The following OLFM3 variants were observed in gnomAD, a reference collection of about 807,000 sequenced individuals.
OLFM3 encodes the protein noelin-3.
Under a neutral mutation model 48.6 loss-of-function variants are expected in OLFM3, and 20 were observed. The ratio of observed to expected loss-of-function variants is 0.41; its 90% confidence interval spans 0.29 to 0.60. The LOEUF is 0.60. Among genes scored for constraint, OLFM3 ranks in the 20% least tolerant of loss-of-function variants. OLFM3 has a pLI of 0.28. For missense variants in OLFM3, 437 were observed against 544.3 expected (o/e 0.80, Z 1.96); for synonymous variants, 222 against 198.1 (o/e 1.12, Z -1.01).
chr1:101,956,528 T>C (rs1472077895), intron 1 of OLFM3, among the ~76,000 whole-genome samples: 1 of 151,956 alleles, frequency 6.6e-6, no homozygotes, highest in African/African-American at 2.4e-5. Flanking sequence ...AATATTCAAA[T>C]ATCCTTTTTG....
chr1:101,822,434 C>A (rs891492055), intron 4 of OLFM3, among the ~76,000 whole-genome samples: 7 of 152,098 alleles, frequency 4.6e-5, no homozygotes, highest in African/African-American at 1.2e-4. Context: ...TCACTACATG[C>A]AATGCCTATG....
intron 1 of OLFM3, among the ~76,000 whole-genome samples, chr1:101,963,102 C>T (rs1415081954): frequency 6.6e-6 from 1 of 152,176 alleles, no homozygotes; most frequent in African/African-American, 2.4e-5. Context: ...GGACACCTGG[C>T]ACCACACCTT....
At chr1:101,858,466 A>G (rs549752597) in intron 1 of OLFM3, among the ~76,000 whole-genome samples, 6 of 152,184 alleles carry the variant, frequency 3.9e-5, no homozygotes, top group African/African-American at 1.2e-4. Flanking sequence ...AGCTGTAAGT[A>G]TAATTTCAAT....
chr1:101,838,769 C>T lies in OLFM3; in HGVS notation c.70-1744G>A, dbSNP rs537351748. On this transcript the variant is annotated intron_variant, in intron 1 of 5. Coordinates refer to ENST00000370103, the MANE Select transcript of OLFM3 (RefSeq NM_058170.4). ...TGCTGCGACTAAAGCTCTAAGCCAC[C>T]GCGCTGGGCCAGGAGCAAATTCTTA... Among the ~76,000 whole-genome samples, 55 of 152,264 alleles carry T rather than the reference C, an allele frequency of 3.6e-4. No individual in the cohort carries two copies. The East Asian group carries it at 4.1e-3, about 11-fold the overall frequency.
intron 3 of OLFM3, among the ~76,000 whole-genome samples, chr1:101,830,006 T>A (rs1248786510): frequency 2.6e-5 from 4 of 151,870 alleles, no homozygotes; most frequent in Non-Finnish European, 5.9e-5. Context: ...GGCTAATTTT[T>A]TTTTTGTATT....
At chr1:101,808,290 C>T (rs2100863751) in intron 4 of OLFM3, among the ~76,000 whole-genome samples, 1 of 151,590 alleles carries the variant, frequency 6.6e-6, no homozygotes, top group South Asian at 2.1e-4. Context: ...AAAAGCAAAG[C>T]AAAGGTACAA....
intron 3 of OLFM3, among the ~76,000 whole-genome samples, chr1:101,826,357 T>A (rs548467668): frequency 6.6e-6 from 1 of 152,176 alleles, no homozygotes; most frequent in Non-Finnish European, 1.5e-5. Flanking sequence ...TTTGATTCAA[T>A]TGTGAATTTA....
At chr1:101,873,453 A>C (rs946482500) in intron 1 of OLFM3, among the ~76,000 whole-genome samples, 1 of 151,892 alleles carries the variant, frequency 6.6e-6, no homozygotes, top group Non-Finnish European at 1.5e-5. Context: ...AAACATATAC[A>C]TTATAATACT....
At chr1:101,905,913 T>A (rs967076939) in intron 1 of OLFM3, among the ~76,000 whole-genome samples, 2 of 152,184 alleles carry the variant, frequency 1.3e-5, no homozygotes, top group African/African-American at 4.8e-5. Context: ...TCTACTCTTA[T>A]TGTATTAACT....
chr1:101,901,162 G>C (rs1185056556), intron 1 of OLFM3, among the ~76,000 whole-genome samples: 8 of 152,052 alleles, frequency 5.3e-5, no homozygotes, highest in South Asian at 2.1e-4. Context: ...ACCCCTGCTG[G>C]TTTTCTAAGA....
intron 1 of OLFM3, among the ~76,000 whole-genome samples, chr1:101,894,477 T>C (rs1270327534): frequency 6.6e-6 from 1 of 152,170 alleles, no homozygotes; most frequent in Non-Finnish European, 1.5e-5. Flanking sequence ...TCAGTGGGGC[T>C]ATTTAATCCA....
intron 1 of OLFM3, among the ~76,000 whole-genome samples, chr1:101,917,430 A>T (rs780968415): frequency 1.3e-5 from 2 of 152,038 alleles, no homozygotes; most frequent in African/African-American, 2.4e-5. Flanking sequence ...ATATATATAT[A>T]TTTTGAGACT....
chr1:101,914,979 C>A (rs1343481774), intron 1 of OLFM3, among the ~76,000 whole-genome samples: 1 of 152,104 alleles, frequency 6.6e-6, no homozygotes, highest in Admixed American at 6.6e-5. Flanking sequence ...ATCTTGATTT[C>A]ATTCCTCACT....
chr1:101,924,233 A>G (rs2101041349), intron 1 of OLFM3, among the ~76,000 whole-genome samples: 1 of 152,326 alleles, frequency 6.6e-6, no homozygotes, highest in East Asian at 1.9e-4. Context: ...TATTTGCACA[A>G]TAGTGGATAC....
chr1:101,894,998 T>C (rs1163465216), intron 1 of OLFM3, among the ~76,000 whole-genome samples: 2 of 152,124 alleles, frequency 1.3e-5, no homozygotes, highest in African/African-American at 2.4e-5. Flanking sequence ...GTTTACTTTG[T>C]ATAAACAGAA....
At chr1:101,820,155 T>G (rs895966092) in intron 4 of OLFM3, among the ~76,000 whole-genome samples, 1 of 152,116 alleles carries the variant, frequency 6.6e-6, no homozygotes, top group South Asian at 2.1e-4. Context: ...TAAAAACTAA[T>G]TTGGCATAAA....
At chr1:101,931,365 G>C (rs779471619) in intron 1 of OLFM3, among the ~76,000 whole-genome samples, 1 of 152,142 alleles carries the variant, frequency 6.6e-6, no homozygotes, top group African/African-American at 2.4e-5. Flanking sequence ...TGCTCTTGTA[G>C]AGGGTGGGAA....
chr1:101,925,325 GT>G (rs911553018), intron 1 of OLFM3, among the ~76,000 whole-genome samples: 39 of 151,036 alleles, frequency 2.6e-4, no homozygotes, highest in African/African-American at 7.5e-4. Flanking sequence ...TTACATTGGC[GT>G]TTTTTTTAAT....
At chr1:101,930,763 A>G (rs892426614) in intron 1 of OLFM3, among the ~76,000 whole-genome samples, 1 of 152,212 alleles carries the variant, frequency 6.6e-6, no homozygotes, top group Non-Finnish European at 1.5e-5. Context: ...TCCTTTGCAG[A>G]TGAGAAATTG....
Sources: gnomAD v4.1 joint callset for allele counts (sites outside exome capture counted in the v4.1 genomes callset) on GRCh38, gnomAD v4.1.1 for gene constraint, MANE v1.5 for transcripts, NCBI Gene and HGNC (gene_info 2026-07-23, HGNC 2026-07-21) for gene names.